Variants in CA7 observed in about 807,000 individuals in gnomAD.
CA7 encodes carbonate dehydratase VII.
Under a neutral mutation model 31.4 loss-of-function variants are expected in CA7, and 13 were observed. The observed-to-expected ratio is 0.41, with a 90% CI of 0.27 to 0.66. CA7 has a LOEUF of 0.66. Among genes scored for constraint, CA7 ranks in the 30% least tolerant of loss-of-function variants. The pLI is 0.28. For synonymous variants in CA7, 128 were observed against 133.2 expected (o/e 0.96, Z 0.27); for missense variants, 215 against 351.0 (o/e 0.61, Z 3.10).
intron 1 of CA7, chr16:66,844,952 C>T: frequency 1.0e-6 from 1 of 1,002,020 alleles, no homozygotes. Context: ...GCGGGGACCT[C>T]GGGGGAGCGG....
chr16:66,849,633 G>C (rs1159724471), intron 2 of CA7, among the ~76,000 whole-genome samples: 2 of 152,222 alleles, frequency 1.3e-5, no homozygotes, highest in Non-Finnish European at 2.9e-5. Flanking sequence ...AGGCCTAACT[G>C]TCAGTGATAA....
chr16:66,851,882 A>T (rs1270097954), intron 5 of CA7, among the ~76,000 whole-genome samples, 156 bp downstream of exon 5: 2 of 152,148 alleles, frequency 1.3e-5, no homozygotes, highest in African/African-American at 4.8e-5. Context: ...CTGATTCCTC[A>T]TCGGGGTCAG....
chr16:66,853,613 A>G lies in CA7; in HGVS notation c.*115A>G. On this transcript the variant is annotated 3_prime_UTR_variant, in exon 7 of 7. Transcript: ENST00000338437. This position sits in a 1 kb window ranked among gnomAD's most constrained non-coding sequence, Gnocchi z 4.5. ...TGGGGGGTGCTGGGGACCCTCCTTCAGCCAGTTTGCTCCTTGGTCACCCTG... is the reference window on the plus strand; with the variant it reads ...TGGGGGGTGCTGGGGACCCTCCTTCGGCCAGTTTGCTCCTTGGTCACCCTG... 1 of 1,414,050 alleles carries G rather than the reference A, an allele frequency of 7.1e-7. No individual in the cohort carries two copies. The highest frequency in any genetic ancestry group is 9.6e-7 in the Non-Finnish European group (1 of 1,043,334). 87.6% of individuals were successfully genotyped at this position (1,414,050 alleles called of 1,614,324 possible).
intron 5 of CA7, among the ~76,000 whole-genome samples, 156 bp downstream of exon 5, chr16:66,851,882 A>G (rs1270097954): frequency 4.6e-5 from 7 of 152,148 alleles, no homozygotes; most frequent in Admixed American, 4.6e-4. Flanking sequence ...CTGATTCCTC[A>G]TCGGGGTCAG....
Position 66,854,064 on chromosome 16 carries a change from C to T in CA7, c.*566C>T, listed in dbSNP as rs1436075590. 1 of 153,848 alleles carries T rather than the reference C, an allele frequency of 6.5e-6. No homozygotes were observed. Among genetic ancestry groups the T allele is most frequent in the Admixed American group, 6.4e-5 (1 of 15,518 alleles). The allele number at this position is 153,848 out of a possible 1,614,324, so 9.5% of individuals were successfully genotyped here. ...TGGCTATAGCTTATACAGTATCTCCCCTTGTCCCCACCCAGTCACCAAAGC... is the reference window on the plus strand; with the variant it reads ...TGGCTATAGCTTATACAGTATCTCCTCTTGTCCCCACCCAGTCACCAAAGC... On this transcript the variant is annotated 3_prime_UTR_variant, in exon 7 of 7. Coordinates refer to ENST00000338437, the MANE Select transcript of CA7 (RefSeq NM_005182.3).
At chr16:66,850,865 G>A (rs552804659) in intron 3 of CA7, among the ~76,000 whole-genome samples, 9 of 152,266 alleles carry the variant, frequency 5.9e-5, no homozygotes, top group Admixed American at 3.3e-4. Context: ...TGGTCTGTGC[G>A]TCGTGGAGTT....
At chr16:66,851,625 A>T (rs756342313) in intron 4 of CA7, 39 bp from the exon 5 acceptor site, 1 of 1,613,548 alleles carries the variant, frequency 6.2e-7, no homozygotes, top group Non-Finnish European at 8.5e-7. Flanking sequence ...GTTCTAGAAC[A>T]CAGTGGGCTC....
At chr16:66,849,093 G>A (rs900456987) in intron 2 of CA7, among the ~76,000 whole-genome samples, 2 of 152,014 alleles carry the variant, frequency 1.3e-5, no homozygotes, top group Non-Finnish European at 2.9e-5. Context: ...TGAGCCTGGG[G>A]TGTTATCTGA....
At chr16:66,850,436 G>T (rs1460206822) in intron 2 of CA7, 105 bp from the exon 3 acceptor site, 5 of 743,796 alleles carry the variant, frequency 6.7e-6, no homozygotes, top group African/African-American at 1.7e-5. Context: ...GCGAGACCCT[G>T]ACTCAAAAAA....
chr16:66,851,378 G>A (rs1961044940), intron 3 of CA7, 85 bp from the exon 4 acceptor site: 5 of 1,091,226 alleles, frequency 4.6e-6, no homozygotes, highest in Non-Finnish European at 7.1e-6. Flanking sequence ...AGAGGCCAGG[G>A]GTCTGGTGGG....
intron 5 of CA7, among the ~76,000 whole-genome samples, chr16:66,852,086 T>G (rs1233098039): frequency 1.3e-5 from 2 of 152,288 alleles, no homozygotes; most frequent in East Asian, 3.9e-4. Context: ...CGGCTCAGGC[T>G]GGAAGATGGC....
intron 2 of CA7, among the ~76,000 whole-genome samples, chr16:66,848,377 G>A (rs192793581): frequency 6.6e-6 from 1 of 152,312 alleles, no homozygotes; most frequent in East Asian, 1.9e-4. Flanking sequence ...AGTTTGGCAA[G>A]GAACAGTTTT....
chr16:66,846,174 G>GGTGTGT (rs4000639), intron 1 of CA7, among the ~76,000 whole-genome samples: 26 of 147,364 alleles, frequency 1.8e-4, no homozygotes, highest in South Asian at 6.5e-4. Flanking sequence ...TGTGTATGCA[G>GGTGTGT]GTGTGTGTGT....
intron 2 of CA7, among the ~76,000 whole-genome samples, chr16:66,849,456 C>A (rs1443522706): frequency 2.6e-5 from 4 of 152,196 alleles, no homozygotes; most frequent in African/African-American, 7.2e-5. Flanking sequence ...TACCCTAGTT[C>A]AGTGCCTTGC....
intron 2 of CA7, among the ~76,000 whole-genome samples, chr16:66,848,518 G>T (rs371583163): frequency 5.3e-5 from 8 of 152,198 alleles, no homozygotes; most frequent in African/African-American, 1.4e-4. Flanking sequence ...GATCTGGGGT[G>T]TTGCCTTCAG....
chr16:66,852,934 C>A, intron 6 of CA7, 67 bp downstream of exon 6: 1 of 1,421,068 alleles, frequency 7.0e-7, no homozygotes, highest in Non-Finnish European at 9.7e-7. Context: ...CAGTGTGACT[C>A]TCCAACTAGC....
chr16:66,852,563 A>G (rs989441157), intron 5 of CA7, 149 bp from the exon 6 acceptor site: 2 of 537,840 alleles, frequency 3.7e-6, no homozygotes, highest in Non-Finnish European at 5.9e-6. Flanking sequence ...AGAAAGAAAG[A>G]AAGAAAAAGA....
At chr16:66,845,009 G>T in intron 1 of CA7, 1 of 987,802 alleles carries the variant, frequency 1.0e-6, no homozygotes, top group African/African-American at 1.7e-5. Context: ...GAATTTCCCC[G>T]CAGAAGTGGC....
At position 66,853,497 on chromosome 16, in the gene CA7, G is replaced by A. The variant is rs774703311; in HGVS notation, c.794G>A (p.Ter265=). 3 of 1,613,942 alleles carry A rather than the reference G, an allele frequency of 1.9e-6. No homozygotes were observed. Among genetic ancestry groups the A allele is most frequent in the Non-Finnish European group, 1.7e-6 (2 of 1,180,008 alleles). ...GRVVKASFRA[*] is the part of the protein sequence containing the mutation. ...GTGGTAAAGGCCTCCTTCCGGGCCT[G>A]AGCTGCCCATCTGCCTAGCCGGCCA... The change falls in exon 7 of 7, where the codon TGA becomes TAA. Residue 265 remains the stop codon, a stop_retained_variant. Transcript: ENST00000338437. This position sits in a 1 kb window ranked among gnomAD's most constrained non-coding sequence, Gnocchi z 4.5.
Sources: allele counts gnomAD v4.1 joint callset (sites outside exome capture counted in the v4.1 genomes callset), GRCh38; gene constraint gnomAD v4.1.1; non-coding constraint Gnocchi (gnomAD v3.1); transcripts MANE v1.5; gene names NCBI Gene and HGNC (gene_info 2026-07-23, HGNC 2026-07-21).